NEGR1: variants seen among roughly 807,000 people sequenced by gnomAD.
The protein encoded by NEGR1 is IgLON family member 4.
Under a neutral mutation model 40.9 loss-of-function variants are expected in NEGR1, and 10 were observed. The ratio of observed to expected loss-of-function variants is 0.24; its 90% CI spans 0.15 to 0.42. The LOEUF (loss-of-function observed/expected upper bound fraction) is 0.42, where lower values mean the gene tolerates loss of function less well. Among genes scored for constraint, NEGR1 ranks in the 10% least tolerant of loss-of-function variants. The pLI, the probability that NEGR1 is intolerant of heterozygous loss-of-function variation, is 1.00. For synonymous variants in NEGR1, 185 were observed against 166.8 expected, an observed-to-expected ratio of 1.11 and a Z score of -0.84; for missense variants, 352 against 438.9, an observed-to-expected ratio of 0.80 and a Z score of 1.77.
chr1:71,841,626 TTAGG>T (rs1285782441), intron 2 of NEGR1, among the ~76,000 whole-genome samples: 1 of 152,106 alleles, frequency 6.6e-6, no homozygotes, highest in Non-Finnish European at 1.5e-5. Flanking sequence ...GGTGGAAAGA[TTAGG>T]TAGCCTCTCA....
chr1:71,540,427 C>T (rs879892373), intron 6 of NEGR1, among the ~76,000 whole-genome samples: 4 of 151,852 alleles, frequency 2.6e-5, no homozygotes, highest in Middle Eastern at 6.8e-3. Flanking sequence ...AGAAAACCCT[C>T]ATTACTCCTA....
intron 1 of NEGR1, among the ~76,000 whole-genome samples, chr1:72,140,099 C>T (rs1479479278): frequency 6.6e-6 from 1 of 152,034 alleles, no homozygotes; most frequent in Non-Finnish European, 1.5e-5. Context: ...AAACTATCAA[C>T]ATGATACACA....
chr1:72,102,555 A>G (rs1648986973), intron 1 of NEGR1, among the ~76,000 whole-genome samples: 1 of 152,054 alleles, frequency 6.6e-6, no homozygotes, highest in Non-Finnish European at 1.5e-5. Context: ...TAGGTCGGTA[A>G]TCATGCTGGC....
At chr1:71,676,014 T>A (rs1357885032) in intron 4 of NEGR1, among the ~76,000 whole-genome samples, 1 of 152,172 alleles carries the variant, frequency 6.6e-6, no homozygotes, top group African/African-American at 2.4e-5. Flanking sequence ...ACTTCCACCA[T>A]GTTACCTACC....
chr1:71,923,839 C>T (rs926546264), intron 2 of NEGR1, among the ~76,000 whole-genome samples: 1 of 152,186 alleles, frequency 6.6e-6, no homozygotes, highest in Non-Finnish European at 1.5e-5. Context: ...TTGCCTTCCT[C>T]TTCCACTTTT....
Position 71,399,414 on chromosome 1 carries a change from A to G in NEGR1, c.*8032T>C, listed in dbSNP as rs1279767875. On this transcript the variant is annotated 3_prime_UTR_variant, in exon 7 of 7. Transcript: ENST00000357731. ...TAATTTATTCCAAATTTTTTTAAAA[A>G]TCTGCTTTTCTCCATGTCAGTATTT... 6.6e-6 allele frequency: 1 copy of G among 152,208 alleles called. No individual in the cohort carries two copies. Among genetic ancestry groups the G allele is most frequent in the African/African-American group, 2.4e-5 (1 of 41,462 alleles). The allele number at this position is 152,208 out of a possible 1,614,324, so 9.4% of individuals were successfully genotyped here.
intron 2 of NEGR1, among the ~76,000 whole-genome samples, chr1:71,866,360 T>C (rs748462509): frequency 6.6e-6 from 1 of 152,168 alleles, no homozygotes; most frequent in Non-Finnish European, 1.5e-5. Flanking sequence ...CCATAACATA[T>C]CATATTAATC....
At chr1:72,077,152 C>T (rs766834496) in intron 1 of NEGR1, among the ~76,000 whole-genome samples, 3 of 152,000 alleles carry the variant, frequency 2.0e-5, no homozygotes, top group Non-Finnish European at 2.9e-5. Flanking sequence ...CCTCGGCCTC[C>T]CAAAGTGCTG....
intron 1 of NEGR1, among the ~76,000 whole-genome samples, chr1:72,159,664 C>A (rs1034631837): frequency 6.6e-6 from 1 of 152,050 alleles, no homozygotes. Context: ...TTCCAACTTT[C>A]TTTGTGTCTG....
intron 3 of NEGR1, among the ~76,000 whole-genome samples, chr1:71,770,317 C>T (rs1189908472): frequency 6.6e-6 from 1 of 152,152 alleles, no homozygotes; most frequent in Non-Finnish European, 1.5e-5. Context: ...AGGCTCCGTT[C>T]CAGGCTTCTT....
intron 3 of NEGR1, among the ~76,000 whole-genome samples, chr1:71,727,186 C>A (rs1020590995): frequency 6.6e-6 from 1 of 152,078 alleles, no homozygotes; most frequent in African/African-American, 2.4e-5. Flanking sequence ...CCCCTCCATT[C>A]CTACCTACTT....
chr1:71,853,576 G>T (rs1659675069), intron 2 of NEGR1, among the ~76,000 whole-genome samples: 1 of 151,878 alleles, frequency 6.6e-6, no homozygotes. Flanking sequence ...ATTCAGAGTA[G>T]TTAAAAAAAA....
chr1:72,067,413 G>C (rs1647302096), intron 1 of NEGR1, among the ~76,000 whole-genome samples: 1 of 152,072 alleles, frequency 6.6e-6, no homozygotes, highest in African/African-American at 2.4e-5. Context: ...GCAGCAAACA[G>C]AAGATAAAAT....
chr1:71,417,541 T>C (rs1646364409), intron 6 of NEGR1, among the ~76,000 whole-genome samples: 1 of 152,150 alleles, frequency 6.6e-6, no homozygotes, highest in African/African-American at 2.4e-5. Context: ...TTTACAAACA[T>C]ATAAACACAC....
chr1:72,114,004 A>C (rs1649485989), intron 1 of NEGR1, among the ~76,000 whole-genome samples: 1 of 151,762 alleles, frequency 6.6e-6, no homozygotes, highest in African/African-American at 2.4e-5. Flanking sequence ...ATCATCTACT[A>C]ATCATAAAAC....
intron 3 of NEGR1, among the ~76,000 whole-genome samples, chr1:71,735,303 C>A (rs1655009722): frequency 6.6e-6 from 1 of 152,072 alleles, no homozygotes; most frequent in Non-Finnish European, 1.5e-5. Context: ...TTGCTTGAGT[C>A]TCTTTCTTAT....
At chr1:71,664,207 T>G (rs568069569) in intron 4 of NEGR1, among the ~76,000 whole-genome samples, 3 of 152,138 alleles carry the variant, frequency 2.0e-5, no homozygotes, top group African/African-American at 7.2e-5. Context: ...TGTAGAAAAT[T>G]CTCTTCTTAG....
chr1:72,022,372 A>G (rs866934941), intron 1 of NEGR1, among the ~76,000 whole-genome samples: 2 of 147,922 alleles, frequency 1.4e-5, no homozygotes, highest in African/African-American at 4.9e-5. Context: ...CATTGTTTCT[A>G]TTTAGTGATA....
intron 6 of NEGR1, among the ~76,000 whole-genome samples, chr1:71,542,621 G>A (rs1647748415): frequency 6.6e-6 from 1 of 151,748 alleles, no homozygotes; most frequent in Non-Finnish European, 1.5e-5. Flanking sequence ...GGAATTAGAA[G>A]CCTGGCCTTT....
Sources: gnomAD v4.1 joint callset for allele counts (sites outside exome capture counted in the v4.1 genomes callset) on GRCh38, gnomAD v4.1.1 for gene constraint, MANE v1.5 for transcripts, NCBI Gene and HGNC (gene_info 2026-07-23, HGNC 2026-07-21) for gene names.